The following RPH3A variants were observed in gnomAD, a reference collection of about 807,000 sequenced individuals.
The protein encoded by RPH3A is rabphilin 3A.
In RPH3A, 48 loss-of-function variants were observed where a neutral mutation model predicts 102.2. The ratio of observed to expected loss-of-function variants is 0.47; its 90% CI spans 0.37 to 0.60. The LOEUF (loss-of-function observed/expected upper bound fraction) is 0.60. Ranked by LOEUF, RPH3A falls within the 20% of genes least tolerant of loss-of-function variation. The pLI is 0.00. For synonymous variants in RPH3A, 310 were observed against 324.3 expected, an observed-to-expected ratio of 0.96 and a Z score of 0.47; for missense variants, 781 against 910.1, an observed-to-expected ratio of 0.86 and a Z score of 1.83.
intron 14 of RPH3A, among the ~76,000 whole-genome samples, chr12:112,879,455 T>C (rs1263427794): frequency 6.6e-6 from 1 of 152,136 alleles, no homozygotes; most frequent in African/African-American, 2.4e-5. Flanking sequence ...AAGAGCAGAG[T>C]TGGCCCCTAT....
chr12:112,635,221 T>C (rs1281901420), intron 1 of RPH3A, among the ~76,000 whole-genome samples: 1 of 152,172 alleles, frequency 6.6e-6, no homozygotes, highest in African/African-American at 2.4e-5. Context: ...TGTGTTACAA[T>C]AAAACTTTAT....
At chr12:112,637,794 AAG>A (rs2039858690) in intron 1 of RPH3A, among the ~76,000 whole-genome samples, 1 of 152,120 alleles carries the variant, frequency 6.6e-6, no homozygotes, top group Non-Finnish European at 1.5e-5. Flanking sequence ...AGCAGTGATA[AAG>A]AGAGCCCGAA....
intron 1 of RPH3A, among the ~76,000 whole-genome samples, chr12:112,677,696 A>G (rs1411999965): frequency 6.6e-6 from 1 of 151,796 alleles, no homozygotes; most frequent in Non-Finnish European, 1.5e-5. Context: ...ATGAATCCCC[A>G]CCTCACAGAA....
At chr12:112,712,925 C>CTTCTTCTTCTTCTTCTTCTTCCTCTTCT (rs1565856803) in intron 1 of RPH3A, among the ~76,000 whole-genome samples, 1 of 94,528 alleles carries the variant, frequency 1.1e-5, no homozygotes, top group African/African-American at 4.6e-5. Context: ...CTTCTTCTTC[C>CTTCTTCTTCTTCTTCTTCTTCCTCTTCT]TCTTCTTCTT....
chr12:112,679,478 T>G (rs1325004615), intron 1 of RPH3A, among the ~76,000 whole-genome samples: 1 of 151,794 alleles, frequency 6.6e-6, no homozygotes, highest in African/African-American at 2.4e-5. Context: ...CGGTCTGGAG[T>G]GCCGTGGCGC....
At chr12:112,864,226 G>T (rs983462583) in intron 5 of RPH3A, among the ~76,000 whole-genome samples, 1 of 152,160 alleles carries the variant, frequency 6.6e-6, no homozygotes, top group Non-Finnish European at 1.5e-5. Flanking sequence ...GCCAAGGCAG[G>T]TGGATCACAA....
At chr12:112,738,687 A>G (rs2040686386) in intron 1 of RPH3A, among the ~76,000 whole-genome samples, 1 of 152,162 alleles carries the variant, frequency 6.6e-6, no homozygotes, top group South Asian at 2.1e-4. Context: ...AAAAGAGCAG[A>G]TGACTCACCG....
rs535777357 is a variant in RPH3A, at chr12:112,759,068, C to T, written c.-139-33075C>T. ...TTTGTGCCCCAGTTTAGTGATGTTT[C>T]TATAGCCCCATCCTGTTTTCAATTG... On this transcript the variant is annotated intron_variant, in intron 1 of 21. Transcript: ENST00000543106. 1.3e-4 allele frequency among the ~76,000 whole-genome samples: 20 copies of T among 152,346 alleles called. No homozygotes were observed. The South Asian group carries it at 4.1e-3, about 32-fold the overall frequency.
intron 1 of RPH3A, among the ~76,000 whole-genome samples, chr12:112,772,931 A>G (rs1353924252): frequency 6.6e-6 from 1 of 151,958 alleles, no homozygotes; most frequent in Non-Finnish European, 1.5e-5. Flanking sequence ...TATCATTCTT[A>G]TGCCTTTGTG....
intron 1 of RPH3A, among the ~76,000 whole-genome samples, chr12:112,616,778 A>G (rs1403643094): frequency 6.6e-6 from 1 of 152,212 alleles, no homozygotes; most frequent in African/African-American, 2.4e-5. Flanking sequence ...AGTGATGGAC[A>G]GGAGTGATCA....
intron 4 of RPH3A, among the ~76,000 whole-genome samples, chr12:112,841,332 A>G (rs1211520026): frequency 3.3e-5 from 5 of 152,004 alleles, no homozygotes; most frequent in African/African-American, 9.7e-5. Context: ...AGAGTTGACT[A>G]TGGCCTGGGA....
intron 2 of RPH3A, among the ~76,000 whole-genome samples, chr12:112,815,332 T>C (rs1271035975): frequency 1.3e-5 from 2 of 152,180 alleles, no homozygotes; most frequent in Admixed American, 6.5e-5. Context: ...AAATAGCAAA[T>C]TAATATGTTT....
At chr12:112,679,215 G>A (rs2040209532) in intron 1 of RPH3A, among the ~76,000 whole-genome samples, 2 of 151,968 alleles carry the variant, frequency 1.3e-5, no homozygotes, top group African/African-American at 2.4e-5. Flanking sequence ...GTGCAGTGGC[G>A]CAGTCTCGGC....
chr12:112,801,574 G>T (rs1242433707), intron 2 of RPH3A, among the ~76,000 whole-genome samples: 1 of 152,178 alleles, frequency 6.6e-6, no homozygotes, highest in Non-Finnish European at 1.5e-5. Context: ...CCCGGAGGGG[G>T]ACTGTGGTTT....
intron 1 of RPH3A, among the ~76,000 whole-genome samples, chr12:112,622,027 G>C (rs2039733846): frequency 6.6e-6 from 1 of 150,932 alleles, no homozygotes; most frequent in African/African-American, 2.5e-5. Flanking sequence ...ATAACAAACA[G>C]AAAGGACATC....
At chr12:112,747,426 C>A (rs1381923979) in intron 1 of RPH3A, among the ~76,000 whole-genome samples, 2 of 152,206 alleles carry the variant, frequency 1.3e-5, no homozygotes, top group Admixed American at 6.6e-5. Context: ...GCCTCCAGAA[C>A]TATAAGAAAT....
intron 1 of RPH3A, among the ~76,000 whole-genome samples, chr12:112,677,415 CTCCT>C (rs879603208): frequency 0.11 from 3,691 of 33,038 alleles, 468 homozygotes; most frequent in Non-Finnish European, 0.13. Flanking sequence ...CCCTCCTTCC[CTCCT>C]TCCTTCCTTC....
At chr12:112,881,073 A>G (rs1390581788) in intron 14 of RPH3A, among the ~76,000 whole-genome samples, 1 of 152,102 alleles carries the variant, frequency 6.6e-6, no homozygotes, top group African/African-American at 2.4e-5. Flanking sequence ...TTCACGGCCA[A>G]TTGTGCATGG....
intron 3 of RPH3A, among the ~76,000 whole-genome samples, chr12:112,833,416 A>C (rs1252067449): frequency 6.6e-6 from 1 of 152,200 alleles, no homozygotes; most frequent in East Asian, 1.9e-4. Context: ...TCTTTCTTGC[A>C]GATTTTCATT....
Sources: allele counts gnomAD v4.1 joint callset (sites outside exome capture counted in the v4.1 genomes callset), GRCh38; gene constraint gnomAD v4.1.1; transcripts MANE v1.5; gene names NCBI Gene and HGNC (gene_info 2026-07-23, HGNC 2026-07-21).